Variants in TMEM131 observed in about 807,000 individuals in gnomAD.
The protein encoded by TMEM131 is 2610524E03Rik.
TMEM131 carries 66 observed loss-of-function variants against 211.6 expected under a neutral mutation model. That is an observed-to-expected ratio of 0.31 (90% CI 0.26 to 0.38). TMEM131 has a LOEUF of 0.38. TMEM131 is among the 10% of genes least tolerant of loss of function. The pLI is 1.00. For synonymous variants in TMEM131, 844 were observed against 841.3 expected (o/e 1.00, Z -0.06); for missense variants, 2,036 against 2,299.3 (o/e 0.89, Z 2.34).
chr2:97,887,813 A>G, intron 4 of TMEM131: 1 of 399,418 alleles, frequency 2.5e-6, no homozygotes, highest in Non-Finnish European at 4.5e-6. Flanking sequence ...AGAGTCTCTG[A>G]ACCAGAGACT....
chr2:97,830,388 G>A (rs1319970024), intron 11 of TMEM131, among the ~76,000 whole-genome samples: 6 of 152,234 alleles, frequency 3.9e-5, no homozygotes, highest in East Asian at 3.9e-4. Context: ...AAGGCAGTTC[G>A]CAAGCTTGCA....
At chr2:97,943,357 CAAGAA>C (rs940471097) in intron 1 of TMEM131, among the ~76,000 whole-genome samples, 28 of 152,214 alleles carry the variant, frequency 1.8e-4, no homozygotes, top group Middle Eastern at 6.8e-3. Context: ...ACGGTCATCA[CAAGAA>C]AAGAAAACTA....
chr2:97,793,142 G>T, intron 30 of TMEM131, 158 bp from the exon 31 acceptor site: 3 of 649,884 alleles, frequency 4.6e-6, no homozygotes, highest in Non-Finnish European at 7.7e-6. Flanking sequence ...TCTAACATCT[G>T]TTCTATCTGA....
intron 2 of TMEM131, among the ~76,000 whole-genome samples, chr2:97,912,626 G>C (rs1038330574): frequency 8.5e-5 from 13 of 152,186 alleles, no homozygotes; most frequent in African/African-American, 2.9e-4. Flanking sequence ...TATAACAGGG[G>C]TGTTCTTTCA....
chr2:97,848,677 G>A (rs189297394), intron 5 of TMEM131, among the ~76,000 whole-genome samples: 77 of 151,756 alleles, frequency 5.1e-4, no homozygotes, highest in African/African-American at 1.7e-3. Flanking sequence ...CCATGGATGA[G>A]AAGCTCATGG....
At position 97,834,814 on chromosome 2, in the gene TMEM131, C is replaced by T; in HGVS notation, c.916G>A (p.Glu306Lys). 1.2e-6 allele frequency: 2 copies of T among 1,613,806 alleles called. No homozygotes were observed. Among genetic ancestry groups the T allele is most frequent in the Non-Finnish European group, 1.7e-6 (2 of 1,179,820 alleles). ...RIKTNASDST[E>K]FIILPVEVEV... ...ACCTCAACAGGAAGAATGATAAACTCTGTGCTGTCTGAAGCATTAGTCTTT... is the reference window on the plus strand; with the variant it reads ...ACCTCAACAGGAAGAATGATAAACTTTGTGCTGTCTGAAGCATTAGTCTTT... The change falls in exon 9 of 41, where the codon GAG (glutamate) becomes AAG (lysine). Residue 306 changes from glutamate (E) to lysine (K), a missense_variant. Around this residue, in one of 3 missense-constraint regions of TMEM131, gnomAD observed 277 missense variants for 378.0 expected, o/e 0.73. Transcript: ENST00000186436.
At position 97,981,028 on chromosome 2, in the gene TMEM131, C is replaced by CAAAAAAAAAAAAAAAAAAAAAAA. The variant is rs57606185; in HGVS notation, c.187+14425_187+14447dup. 8.4e-4 allele frequency among the ~76,000 whole-genome samples: 32 copies of CAAAAAAAAAAAAAAAAAAAAAAA among 37,970 alleles called. 7 individuals are homozygous for CAAAAAAAAAAAAAAAAAAAAAAA. Among genetic ancestry groups the CAAAAAAAAAAAAAAAAAAAAAAA allele is most frequent in the African/African-American group, 1.2e-3 (12 of 10,258 alleles). 24.9% of individuals were successfully genotyped at this position (37,970 alleles called of 152,430 possible). On this transcript the variant is annotated intron_variant, in intron 1 of 40. Coordinates refer to ENST00000186436, the MANE Select transcript of TMEM131 (RefSeq NM_015348.2). ...TGCTGAAACTCACAGAACTACACAC[C>CAAAAAAAAAAAAAAAAAAAAAAA]AAAAAAAAAAAAAAAAAAAAAAAAA...
chr2:97,992,108 C>T (rs1265858368), intron 1 of TMEM131, among the ~76,000 whole-genome samples: 1 of 152,182 alleles, frequency 6.6e-6, no homozygotes, highest in Non-Finnish European at 1.5e-5. Context: ...AAAAGGTACC[C>T]ACTCTACCCC....
chr2:97,830,321 A>T (rs956909750), intron 11 of TMEM131, among the ~76,000 whole-genome samples: 2 of 152,192 alleles, frequency 1.3e-5, no homozygotes, highest in Admixed American at 1.3e-4. Flanking sequence ...CCTGTTAGTG[A>T]CTATTGCTAA....
intron 1 of TMEM131, among the ~76,000 whole-genome samples, chr2:97,962,817 G>T (rs925236492): frequency 6.6e-6 from 1 of 152,144 alleles, no homozygotes; most frequent in Non-Finnish European, 1.5e-5. Context: ...CTAAATTGTA[G>T]TTTACTTAGC....
intron 2 of TMEM131, among the ~76,000 whole-genome samples, chr2:97,918,910 C>T (rs891400379): frequency 2.0e-5 from 3 of 152,208 alleles, no homozygotes; most frequent in African/African-American, 7.2e-5. Context: ...TTTCAGGCAG[C>T]ATTTGTCTGA....
At chr2:97,857,370 C>A (rs995517981) in intron 5 of TMEM131, among the ~76,000 whole-genome samples, 3 of 152,200 alleles carry the variant, frequency 2.0e-5, no homozygotes, top group Admixed American at 1.3e-4. Context: ...ATATTGTTTA[C>A]CTAGCCCAGT....
chr2:97,837,286 G>T, intron 7 of TMEM131, 129 bp from the exon 8 acceptor site: 1 of 622,586 alleles, frequency 1.6e-6, no homozygotes, highest in Non-Finnish European at 2.8e-6. Context: ...ATAAACGTAG[G>T]ATATGTATAA....
At chr2:97,892,389 C>G (rs1172160283) in intron 3 of TMEM131, among the ~76,000 whole-genome samples, 2 of 152,136 alleles carry the variant, frequency 1.3e-5, no homozygotes, top group Non-Finnish European at 2.9e-5. Flanking sequence ...TAGGGTCTCA[C>G]TCTGTCGCCC....
chr2:97,886,590 T>C (rs1417976981), intron 4 of TMEM131, among the ~76,000 whole-genome samples: 4 of 152,116 alleles, frequency 2.6e-5, no homozygotes, highest in African/African-American at 9.7e-5. Context: ...AGAGAGTCTG[T>C]GGTGGTAGTG....
At chr2:97,826,041 A>C (rs1682367469) in intron 11 of TMEM131, among the ~76,000 whole-genome samples, 1 of 152,244 alleles carries the variant, frequency 6.6e-6, no homozygotes. Flanking sequence ...CCAATCGAGC[A>C]TGACTGCTGA....
chr2:97,936,805 T>A (rs1348720937), intron 1 of TMEM131, among the ~76,000 whole-genome samples: 2 of 152,164 alleles, frequency 1.3e-5, no homozygotes, highest in Non-Finnish European at 2.9e-5. Context: ...GGACAAAAAG[T>A]ATTTAATAGA....
intron 1 of TMEM131, among the ~76,000 whole-genome samples, chr2:97,965,638 G>T (rs1427043752): frequency 7.5e-6 from 1 of 132,718 alleles, no homozygotes; most frequent in African/African-American, 2.7e-5. Flanking sequence ...CAAGCCCCAT[G>T]GCTGGGCACC....
At chr2:97,903,513 C>T (rs951899722) in intron 3 of TMEM131, among the ~76,000 whole-genome samples, 1 of 152,160 alleles carries the variant, frequency 6.6e-6, no homozygotes, top group African/African-American at 2.4e-5. Flanking sequence ...TCTCAAAGTA[C>T]TTCTCTGCAA....
Sources: gnomAD v4.1 joint callset for allele counts (sites outside exome capture counted in the v4.1 genomes callset) on GRCh38, gnomAD v4.1.1 for gene constraint, gnomAD v4.1.1 regional missense constraint, MANE v1.5 for transcripts, NCBI Gene and HGNC (gene_info 2026-07-23, HGNC 2026-07-21) for gene names.